The following LRRC37A2 variants were observed in gnomAD, a reference collection of about 807,000 sequenced individuals.
LRRC37A2 encodes leucine-rich repeat-containing protein 37A2.
In LRRC37A2, 9 loss-of-function variants were observed where a neutral mutation model predicts 68.8. The observed-to-expected ratio is 0.13, with a 90% CI of 0.08 to 0.23. The LOEUF (loss-of-function observed/expected upper bound fraction) is 0.23, where lower values mean the gene tolerates loss of function less well. Ranked by LOEUF, LRRC37A2 falls within the 10% of genes least tolerant of loss-of-function variation. LRRC37A2 has a pLI of 1.00. For synonymous variants in LRRC37A2, 63 were observed against 367.6 expected, an observed-to-expected ratio of 0.17 and a Z score of 9.48; for missense variants, 168 against 950.4, an observed-to-expected ratio of 0.18 and a Z score of 10.82.
At chr17:46,779,101 A>ACACACACACC in the LRRC37A2 span, among the ~76,000 whole-genome samples, 3 of 139,976 alleles carry the variant, frequency 2.1e-5, no homozygotes, top group Non-Finnish European at 3.0e-5. Context: ...ACACACACAC[A>ACACACACACC]CACCCCAGCC....
the LRRC37A2 span, among the ~76,000 whole-genome samples, chr17:46,813,935 C>T: frequency 0.45 from 68,292 of 152,148 alleles, 16,303 homozygotes; most frequent in East Asian, 0.69. Context: ...TTGTCAGTGA[C>T]TGAGCATGTA....
chr17:46,730,817 TC>T, the LRRC37A2 span, among the ~76,000 whole-genome samples: 1 of 152,158 alleles, frequency 6.6e-6, no homozygotes, highest in African/African-American at 2.4e-5. Context: ...GTACTCAACA[TC>T]ATTAGTCATC....
At chr17:46,529,606 C>A (rs1351446892) in intron 6 of LRRC37A2, among the ~76,000 whole-genome samples, 1 of 74,656 alleles carries the variant, frequency 1.3e-5, no homozygotes, top group East Asian at 2.6e-4. Context: ...CCCTGGAGTT[C>A]AAGTTCAGCC....
At chr17:47,012,342 A>G in the LRRC37A2 span, among the ~76,000 whole-genome samples, 228 of 152,324 alleles carry the variant, frequency 1.5e-3, 4 homozygotes, top group East Asian at 0.026. Flanking sequence ...TTTCTTAGAT[A>G]TGACACCAAA....
chr17:46,983,013 C>T, the LRRC37A2 span, among the ~76,000 whole-genome samples: 5 of 152,132 alleles, frequency 3.3e-5, no homozygotes, highest in African/African-American at 7.2e-5. Flanking sequence ...TGGCTTTCTC[C>T]GGTTTGTCCT....
At chr17:46,755,745 G>A in the LRRC37A2 span, 1 of 1,045,764 alleles carries the variant, frequency 9.6e-7, no homozygotes, top group African/African-American at 1.7e-5. Context: ...TTTTTTTGAT[G>A]AATAGTTTTT....
At chr17:47,000,084 AATAAAATAAAAT>A in the LRRC37A2 span, among the ~76,000 whole-genome samples, 1 of 7,380 alleles carries the variant, frequency 1.4e-4, no homozygotes, top group African/African-American at 2.7e-4. Context: ...TAAAAAATAA[AATAAAATAAAAT>A]AAAATAAAAT....
the LRRC37A2 span, among the ~76,000 whole-genome samples, chr17:46,908,221 T>C: frequency 9.3e-5 from 14 of 150,134 alleles, no homozygotes; most frequent in Non-Finnish European, 1.8e-4. Context: ...GTCTGGCTTG[T>C]GCAAGGAAGC....
the LRRC37A2 span, among the ~76,000 whole-genome samples, chr17:46,909,027 G>A: frequency 7.9e-5 from 12 of 152,276 alleles, no homozygotes; most frequent in East Asian, 2.3e-3. Context: ...TCTCATCAGA[G>A]GCCAAAGGTT....
the LRRC37A2 span, among the ~76,000 whole-genome samples, chr17:46,790,566 C>T: frequency 1.1e-4 from 17 of 152,140 alleles, no homozygotes; most frequent in African/African-American, 4.1e-4. Context: ...TGCCCTCCCC[C>T]TGGGCCCCAC....
the LRRC37A2 span, among the ~76,000 whole-genome samples, chr17:46,971,462 T>G: frequency 6.6e-6 from 1 of 152,200 alleles, no homozygotes; most frequent in African/African-American, 2.4e-5. Flanking sequence ...AGTGCTGGGT[T>G]AGGGGCTCTG....
the LRRC37A2 span, among the ~76,000 whole-genome samples, chr17:46,973,367 T>G: frequency 6.6e-6 from 1 of 152,120 alleles, no homozygotes; most frequent in Non-Finnish European, 1.5e-5. Flanking sequence ...CCCACTGTGT[T>G]GCCCAGGCTG....
chr17:46,943,448 C>T, the LRRC37A2 span, among the ~76,000 whole-genome samples: 1 of 152,190 alleles, frequency 6.6e-6, no homozygotes, highest in South Asian at 2.1e-4. Flanking sequence ...TACAGCTGCA[C>T]CTTTGCACAA....
chr17:47,007,232 C>T, the LRRC37A2 span, among the ~76,000 whole-genome samples: 1 of 152,048 alleles, frequency 6.6e-6, no homozygotes, highest in African/African-American at 2.4e-5. Context: ...GGCTGGAGTG[C>T]GGTGTTGTGA....
At chr17:46,860,867 T>A in the LRRC37A2 span, among the ~76,000 whole-genome samples, 5 of 152,206 alleles carry the variant, frequency 3.3e-5, no homozygotes, top group African/African-American at 1.2e-4. Context: ...ACTTTTTTTT[T>A]ATTTTTAGAG....
chr17:46,862,706 C>T, the LRRC37A2 span, among the ~76,000 whole-genome samples: 1 of 152,132 alleles, frequency 6.6e-6, no homozygotes, highest in East Asian at 1.9e-4. Flanking sequence ...CCTCAGCCTC[C>T]CGAGTAGCTA....
At chr17:46,793,498 G>A in the LRRC37A2 span, among the ~76,000 whole-genome samples, 6 of 152,174 alleles carry the variant, frequency 3.9e-5, no homozygotes, top group African/African-American at 1.4e-4. Context: ...TTCCGCACTG[G>A]AGGTCCATTT....
the LRRC37A2 span, chr17:46,763,590 A>C: frequency 6.6e-6 from 1 of 152,182 alleles, no homozygotes; most frequent in African/African-American, 2.4e-5. Context: ...TGCTAGTCAC[A>C]AAGTTGGAAT....
chr17:46,845,335 C>T, the LRRC37A2 span, among the ~76,000 whole-genome samples: 2 of 152,088 alleles, frequency 1.3e-5, no homozygotes, highest in African/African-American at 2.4e-5. Flanking sequence ...TCTAGGTCAG[C>T]TCACTGTATT....
Sources: allele counts gnomAD v4.1 joint callset (sites outside exome capture counted in the v4.1 genomes callset), GRCh38; gene constraint gnomAD v4.1.1; transcripts MANE v1.5; gene names NCBI Gene and HGNC (gene_info 2026-07-23, HGNC 2026-07-21).